The following EIPR1 variants were observed in gnomAD, a reference collection of about 807,000 sequenced individuals.
The protein encoded by EIPR1 is EARP and GARP complex-interacting protein 1.
A neutral mutation model predicts 48.1 loss-of-function variants in EIPR1; 25 were observed. The ratio of observed to expected loss-of-function variants is 0.52; its 90% CI spans 0.38 to 0.73. The LOEUF is 0.73. Ranked by LOEUF, EIPR1 falls within the 30% of genes least tolerant of loss-of-function variation. The pLI, the probability that EIPR1 is intolerant of heterozygous loss-of-function variation, is 0.00. For missense variants in EIPR1, 415 were observed against 506.2 expected, an observed-to-expected ratio of 0.82 and a Z score of 1.73; for synonymous variants, 204 against 201.9, an observed-to-expected ratio of 1.01 and a Z score of -0.09.
chr2:3,261,466 G>A (rs768516614), intron 3 of EIPR1, among the ~76,000 whole-genome samples: 2 of 152,174 alleles, frequency 1.3e-5, no homozygotes, highest in Non-Finnish European at 2.9e-5. Context: ...TTCCCCACGG[G>A]TTAGGAACCT....
At chr2:3,325,978 G>C (rs1669685228) in intron 3 of EIPR1, among the ~76,000 whole-genome samples, 1 of 152,232 alleles carries the variant, frequency 6.6e-6, no homozygotes, top group African/African-American at 2.4e-5. Flanking sequence ...AGACTCCTGG[G>C]CTGGCCCAAT....
At chr2:3,208,207 C>T (rs1665300954) in intron 5 of EIPR1, 1 of 248,108 alleles carries the variant, frequency 4.0e-6, no homozygotes, top group East Asian at 8.1e-5. Context: ...TAACTTTTTC[C>T]AAAAATCAAA....
chr2:3,331,164 TGAG>T, intron 3 of EIPR1, among the ~76,000 whole-genome samples: 1 of 120,458 alleles, frequency 8.3e-6, no homozygotes, highest in African/African-American at 3.0e-5. Context: ...TGAGATGGTG[TGAG>T]CAGAGGCAGG....
At position 3,208,923 on chromosome 2, in the gene EIPR1, G is replaced by A. The variant is rs541335874; in HGVS notation, c.516+5226C>T. 4,380 of 1,534,360 alleles carry A rather than the reference G, an allele frequency of 2.9e-3. 40 individuals carry two copies. The highest frequency in any genetic ancestry group is 2.1e-3 in the Non-Finnish European group (2,406 of 1,136,794). On this transcript the variant is annotated intron_variant, in intron 5 of 8. Coordinates refer to ENST00000382125, the MANE Select transcript of EIPR1 (RefSeq NM_003310.5). ...GGGAATGATGGCACACACAGGGTCC[G>A]TGCACGCTCCTTCAGAATGTTCAGA...
chr2:3,211,276 G>A (rs1001835192), intron 5 of EIPR1, among the ~76,000 whole-genome samples: 4 of 37,572 alleles, frequency 1.1e-4, no homozygotes, highest in Non-Finnish European at 2.7e-4. Flanking sequence ...TAACACTAAC[G>A]AAACAAGCCT....
At chr2:3,203,567 G>A (rs928940534) in intron 5 of EIPR1, among the ~76,000 whole-genome samples, 1 of 152,232 alleles carries the variant, frequency 6.6e-6, no homozygotes, top group African/African-American at 2.4e-5. Flanking sequence ...GATAAAAAAA[G>A]CAGAGCTGGC....
chr2:3,240,860 C>A, intron 4 of EIPR1, among the ~76,000 whole-genome samples: 1 of 136,714 alleles, frequency 7.3e-6, no homozygotes, highest in Non-Finnish European at 1.6e-5. Context: ...GCCAGCAGAT[C>A]CCTCCTAAAG....
intron 3 of EIPR1, among the ~76,000 whole-genome samples, chr2:3,307,495 A>G (rs575755702): frequency 6.6e-6 from 1 of 152,216 alleles, no homozygotes; most frequent in Non-Finnish European, 1.5e-5. Context: ...TCTCTGTGCA[A>G]TAGAACCAGC....
chr2:3,354,840 TG>T (rs1247665955), intron 1 of EIPR1, among the ~76,000 whole-genome samples: 1 of 152,234 alleles, frequency 6.6e-6, no homozygotes, highest in African/African-American at 2.4e-5. Context: ...AATTTGCATA[TG>T]GAAATCATTG....
chr2:3,293,926 A>T (rs1394939206), intron 3 of EIPR1, among the ~76,000 whole-genome samples: 1 of 152,194 alleles, frequency 6.6e-6, no homozygotes, highest in Non-Finnish European at 1.5e-5. Flanking sequence ...TTCTTCCTTA[A>T]ATTTAATTAA....
intron 4 of EIPR1, 32 bp from the exon 5 acceptor site, chr2:3,214,280 T>C (rs1457534630): frequency 1.4e-5 from 23 of 1,587,052 alleles, no homozygotes; most frequent in Middle Eastern, 1.7e-4. Flanking sequence ...AATGTTAACA[T>C]AAACATTTGA....
intron 1 of EIPR1, among the ~76,000 whole-genome samples, chr2:3,370,607 C>A (rs968972176): frequency 1.4e-4 from 22 of 152,146 alleles, no homozygotes; most frequent in Middle Eastern, 3.4e-3. Context: ...GCCTCAGGAG[C>A]CGATGCGATC....
intron 3 of EIPR1, among the ~76,000 whole-genome samples, chr2:3,310,514 G>A (rs978047113): frequency 9.0e-5 from 13 of 145,092 alleles, no homozygotes; most frequent in African/African-American, 2.4e-4. Flanking sequence ...TTAGCCGGGC[G>A]TAGTGGCGGG....
chr2:3,349,597 A>C (rs1013954469), intron 2 of EIPR1, among the ~76,000 whole-genome samples: 1 of 152,090 alleles, frequency 6.6e-6, no homozygotes, highest in Admixed American at 6.5e-5. Context: ...ATGCCAGGAG[A>C]CGGGGACAGG....
intron 3 of EIPR1, among the ~76,000 whole-genome samples, chr2:3,335,951 T>A (rs1670030144): frequency 6.6e-6 from 1 of 152,178 alleles, no homozygotes; most frequent in Admixed American, 6.5e-5. Context: ...AATGGACTAA[T>A]ACCCCGACTG....
intron 3 of EIPR1, among the ~76,000 whole-genome samples, chr2:3,275,109 A>T (rs141854714): frequency 7.9e-5 from 12 of 152,340 alleles, no homozygotes; most frequent in African/African-American, 2.6e-4. Flanking sequence ...TATAAGGGAC[A>T]TCAGCTGGAT....
At chr2:3,205,243 C>T (rs1251579913) in intron 5 of EIPR1, among the ~76,000 whole-genome samples, 1 of 152,236 alleles carries the variant, frequency 6.6e-6, no homozygotes, top group African/African-American at 2.4e-5. Context: ...TGACACTGCT[C>T]TGAGCTGAGC....
Position 3,312,338 on chromosome 2 carries a change from G to A in EIPR1, c.259+25679C>T, listed in dbSNP as rs960400217. ...GCTAAGGTTGCACTGCTTTTTAGGC[G>A]GCTGTGGCATAAAATTGAGTTTCCT... is the stretch of plus-strand genomic sequence containing the variant. On this transcript the variant is annotated intron_variant, in intron 3 of 8. Coordinates refer to ENST00000382125, the MANE Select transcript of EIPR1 (RefSeq NM_003310.5). This position sits in a 1 kb window ranked among gnomAD's most constrained non-coding sequence, Gnocchi z 5.5. Among the ~76,000 whole-genome samples the A allele has an allele frequency of 1.2e-4, 18 of 152,162 alleles. No individual in the cohort carries two copies. Among genetic ancestry groups the A allele is most frequent in the Non-Finnish European group, 1.6e-4 (11 of 68,034 alleles).
At chr2:3,208,565 A>T (rs1349541602) in intron 5 of EIPR1, 9 of 1,549,882 alleles carry the variant, frequency 5.8e-6, no homozygotes, top group Non-Finnish European at 7.9e-6. Context: ...ATTTGTTGGG[A>T]AAAGTCCTTA....
Sources: gnomAD v4.1 joint callset for allele counts (sites outside exome capture counted in the v4.1 genomes callset) on GRCh38, gnomAD v4.1.1 for gene constraint, Gnocchi (gnomAD v3.1) non-coding constraint, MANE v1.5 for transcripts, NCBI Gene and HGNC (gene_info 2026-07-23, HGNC 2026-07-21) for gene names.